UBE2D3: variants seen among roughly 807,000 people sequenced by gnomAD.
The protein encoded by UBE2D3 is ubiquitin-conjugating enzyme E2 D3.
In UBE2D3, 2 loss-of-function variants were observed where a neutral mutation model predicts 22.8. The observed-to-expected ratio is 0.09, with a 90% CI of 0.04 to 0.28. The LOEUF (loss-of-function observed/expected upper bound fraction) is 0.28, where lower values mean the gene tolerates loss of function less well. UBE2D3 is among the 10% of genes least tolerant of loss of function. The pLI is 1.00. For synonymous variants in UBE2D3, 56 were observed against 60.4 expected (o/e 0.93, Z 0.34); for missense variants, 27 against 182.5 (o/e 0.15, Z 4.91).
upstream of UBE2D3, among the ~76,000 whole-genome samples, chr4:102,829,919 CA>C (rs150018312): frequency 6.7e-6 from 1 of 148,180 alleles, no homozygotes; most frequent in Non-Finnish European, 1.5e-5. Flanking sequence ...GACCCTGTCT[CA>C]AAAAAAAACA....
chr4:102,803,792 G>C (rs939238335), intron 4 of UBE2D3, among the ~76,000 whole-genome samples: 2 of 152,148 alleles, frequency 1.3e-5, no homozygotes, highest in Admixed American at 1.3e-4. Context: ...TATTTGAGAC[G>C]GAGTCTCACT....
At chr4:102,854,621 G>C (rs1393279144) in intron 1 of UBE2D3, among the ~76,000 whole-genome samples, 1 of 152,104 alleles carries the variant, frequency 6.6e-6, no homozygotes, top group Non-Finnish European at 1.5e-5. Context: ...AGCAACTCCA[G>C]CTTTCTTTTT....
chr4:102,805,374 G>A (rs1162078467), intron 4 of UBE2D3, among the ~76,000 whole-genome samples: 1 of 152,062 alleles, frequency 6.6e-6, no homozygotes, highest in Admixed American at 6.6e-5. Context: ...GACTCAAATC[G>A]TACAAGTCCA....
intron 1 of UBE2D3, among the ~76,000 whole-genome samples, chr4:102,866,654 A>G (rs1733157398): frequency 6.6e-6 from 1 of 152,246 alleles, no homozygotes; most frequent in South Asian, 2.1e-4. Flanking sequence ...TATACAGTCC[A>G]GAGAATGTAA....
intron 2 of UBE2D3, among the ~76,000 whole-genome samples, chr4:102,822,762 T>TGCCTCTACCAAAAAAACAAAAAAATTA (rs1560869337): frequency 1.4e-5 from 2 of 147,268 alleles, no homozygotes; most frequent in African/African-American, 5.1e-5. Flanking sequence ...GGTGAAACCC[T>TGCCTCTACCAAAAAAACAAAAAAATTA]GCCTCTACTA....
chr4:102,798,857 C>T, intron 7 of UBE2D3: 1 of 1,423,954 alleles, frequency 7.0e-7, no homozygotes, highest in South Asian at 1.2e-5. Flanking sequence ...TAATACAGTG[C>T]CTTAACGCAT....
At chr4:102,810,006 C>T (rs1300589850) in intron 2 of UBE2D3, 151 bp from the exon 3 acceptor site, 4 of 693,802 alleles carry the variant, frequency 5.8e-6, no homozygotes, top group Middle Eastern at 4.0e-4. Flanking sequence ...GGAGAGAGAA[C>T]ATGCCTGAAC....
At chr4:102,842,700 C>G (rs936283404) in intron 1 of UBE2D3, among the ~76,000 whole-genome samples, 6 of 152,174 alleles carry the variant, frequency 3.9e-5, no homozygotes, top group African/African-American at 1.4e-4. Flanking sequence ...GTTGTATTTT[C>G]CACTATCACA....
chr4:102,821,354 A>G (rs1165825757), intron 2 of UBE2D3, among the ~76,000 whole-genome samples: 3 of 152,164 alleles, frequency 2.0e-5, no homozygotes, highest in South Asian at 4.1e-4. Flanking sequence ...TAAATTACAA[A>G]GTGACAAACA....
In UBE2D3 at chr4:102,826,905, G is replaced by A. The variant is rs960997477; in HGVS notation, c.-128-269C>T. 5 of 1,041,124 alleles carry A rather than the reference G, an allele frequency of 4.8e-6. No individual in the cohort carries two copies. In the African/African-American group the frequency reaches 6.8e-5, roughly 14 times the overall value. 64.5% of individuals were successfully genotyped at this position (1,041,124 alleles called of 1,614,324 possible). The stretch of plus-strand genomic sequence containing the variant: ...GCGTAGGAGAAAGGGGTGGGTGCGG[G>A]GCAGGGTCCGGAGCCCAGCAGAGGA... On this transcript the variant is annotated intron_variant, in intron 1 of 7. Coordinates refer to ENST00000453744, the MANE Select transcript of UBE2D3 (RefSeq NM_181891.3).
upstream of UBE2D3, among the ~76,000 whole-genome samples, chr4:102,829,216 T>C (rs1390401346): frequency 6.6e-6 from 1 of 152,116 alleles, no homozygotes; most frequent in Non-Finnish European, 1.5e-5. Flanking sequence ...TCTAACTAGC[T>C]CCCAGGTGAT....
At chr4:102,857,603 G>A (rs188540779) in intron 1 of UBE2D3, among the ~76,000 whole-genome samples, 22 of 152,282 alleles carry the variant, frequency 1.4e-4, no homozygotes, top group African/African-American at 5.3e-4. Flanking sequence ...GAGGAACCAG[G>A]AAATGCGTCT....
upstream of UBE2D3, among the ~76,000 whole-genome samples, chr4:102,831,484 C>T (rs892923263): frequency 6.6e-6 from 1 of 152,058 alleles, no homozygotes; most frequent in Non-Finnish European, 1.5e-5. Context: ...GGCTATTCTA[C>T]TTTTTAGTAG....
In UBE2D3 at chr4:102,796,166, T is replaced by G. The variant is rs1725252742; in HGVS notation, c.*1249A>C. 6.6e-6 allele frequency: 1 copy of G among 152,390 alleles called. No homozygotes were observed. The highest frequency in any genetic ancestry group is 2.4e-5 in the African/African-American group (1 of 41,430). The allele number at this position is 152,390 out of a possible 1,614,324, so 9.4% of individuals were successfully genotyped here. ...CAAAACAGTACTTTATTTTGCAAAT[T>G]TTGACCCATTATTACTCCCATGTTG... On this transcript the variant is annotated 3_prime_UTR_variant, in exon 8 of 8. Transcript: ENST00000453744.
At chr4:102,868,399 G>A (rs948496851) in intron 1 of UBE2D3, among the ~76,000 whole-genome samples, 7 of 152,114 alleles carry the variant, frequency 4.6e-5, no homozygotes, top group Non-Finnish European at 1.0e-4. Flanking sequence ...TTTCCCGAAG[G>A]AAAAGGAACT....
rs1045063834 is a variant in UBE2D3, at chr4:102,859,026, T to C, written c.-129+9689A>G. Among the ~76,000 whole-genome samples, 3 of 151,956 alleles carry C rather than the reference T, an allele frequency of 2.0e-5. 1 individual carries two copies. Among genetic ancestry groups the C allele is most frequent in the Non-Finnish European group, 4.4e-5 (3 of 67,908 alleles). On this transcript the variant is annotated intron_variant, in intron 1 of 7. Transcript: ENST00000338145. ...ACTTTCACGTTTTCATGTTGCTAAT[T>C]AGCATCCTTTAGTTTCCACTTGAAG...
At chr4:102,836,141 A>ATTTTTT (rs907557988) in intron 1 of UBE2D3, among the ~76,000 whole-genome samples, 65 of 102,652 alleles carry the variant, frequency 6.3e-4, no homozygotes, top group Non-Finnish European at 8.4e-4. Context: ...GTTTGTTTCC[A>ATTTTTT]TTTTTTTTTT....
At chr4:102,799,922 G>A (rs1037172082) in intron 6 of UBE2D3, among the ~76,000 whole-genome samples, 6 of 151,028 alleles carry the variant, frequency 4.0e-5, no homozygotes, top group South Asian at 4.2e-4. Context: ...ATTCTTAGCC[G>A]TTGTCTTGGC....
intron 1 of UBE2D3, among the ~76,000 whole-genome samples, chr4:102,850,663 T>TA (rs1342977846): frequency 6.6e-6 from 1 of 152,206 alleles, no homozygotes; most frequent in East Asian, 1.9e-4. Context: ...CAATTTTACT[T>TA]ATATTTCTCT....
Sources: allele counts gnomAD v4.1 joint callset (sites outside exome capture counted in the v4.1 genomes callset), GRCh38; gene constraint gnomAD v4.1.1; transcripts MANE v1.5; gene names NCBI Gene and HGNC (gene_info 2026-07-23, HGNC 2026-07-21).